Variants in CSMD1 observed in about 807,000 individuals in gnomAD.
CSMD1 encodes the protein CUB and sushi domain-containing protein 1.
CSMD1 carries 213 observed loss-of-function variants against 417.5 expected under a neutral mutation model. That is an observed-to-expected ratio of 0.51 (90% CI 0.46 to 0.57). CSMD1 has a LOEUF of 0.57. Ranked by LOEUF, CSMD1 falls within the 20% of genes least tolerant of loss-of-function variation. The pLI is 0.00. For synonymous variants in CSMD1, 2,862 were observed against 1,736.8 expected (o/e 1.65, Z -16.11); for missense variants, 6,923 against 4,529.7 (o/e 1.53, Z -15.17).
intron 2 of CSMD1, among the ~76,000 whole-genome samples, chr8:4,498,514 T>C (rs545298398): frequency 6.6e-6 from 1 of 152,332 alleles, no homozygotes; most frequent in East Asian, 1.9e-4. Flanking sequence ...ATCACTAAAT[T>C]AAATTGAATT....
intron 1 of CSMD1, among the ~76,000 whole-genome samples, chr8:4,910,786 G>C (rs1169657953): frequency 1.3e-5 from 2 of 152,166 alleles, no homozygotes; most frequent in African/African-American, 4.8e-5. Flanking sequence ...TATAAGGTGG[G>C]AAAATATAGT....
chr8:3,398,309 T>A (rs950577483), intron 16 of CSMD1, among the ~76,000 whole-genome samples: 1 of 152,218 alleles, frequency 6.6e-6, no homozygotes, highest in Non-Finnish European at 1.5e-5. Flanking sequence ...AAATGATTGA[T>A]TATACACAGT....
chr8:4,795,160 G>A (rs1174693925), intron 1 of CSMD1, among the ~76,000 whole-genome samples: 1 of 148,208 alleles, frequency 6.7e-6, no homozygotes, highest in Non-Finnish European at 1.5e-5. Context: ...GTCTAAGAAT[G>A]TAGTAGCCAC....
chr8:4,194,459 C>A (rs903234197), intron 3 of CSMD1, among the ~76,000 whole-genome samples: 1 of 152,132 alleles, frequency 6.6e-6, no homozygotes, highest in African/African-American at 2.4e-5. Context: ...GCCTGAATTA[C>A]AATAGCGCCC....
chr8:3,985,139 G>C (rs1026575620), intron 5 of CSMD1, among the ~76,000 whole-genome samples: 1 of 152,058 alleles, frequency 6.6e-6, no homozygotes, highest in African/African-American at 2.4e-5. Context: ...TGTACTTCAG[G>C]AGAGGGTGTG....
intron 3 of CSMD1, among the ~76,000 whole-genome samples, chr8:4,101,198 T>C (rs1009201692): frequency 6.6e-6 from 1 of 152,228 alleles, no homozygotes; most frequent in African/African-American, 2.4e-5. Context: ...TATGCCTACA[T>C]ACACGTATGA....
intron 5 of CSMD1, among the ~76,000 whole-genome samples, chr8:3,928,285 A>C (rs1375115142): frequency 3.3e-5 from 5 of 152,214 alleles, no homozygotes; most frequent in Non-Finnish European, 7.3e-5. Context: ...TAAATGTTAC[A>C]TTGATTATTC....
At position 3,212,687 on chromosome 8, in the gene CSMD1, G is replaced by C. The variant is rs540546989; in HGVS notation, c.4867+1810C>G. Among the ~76,000 whole-genome samples, 50 of 151,984 alleles carry C rather than the reference G, an allele frequency of 3.3e-4. 2 individuals are homozygous for C. Among genetic ancestry groups the C allele is most frequent in the Non-Finnish European group, 2.9e-5 (2 of 67,976 alleles). On this transcript the variant is annotated intron_variant, in intron 30 of 69. Coordinates refer to ENST00000635120, the MANE Select transcript of CSMD1 (RefSeq NM_033225.6). ...TACTCTGTGCCAGTCTCTACTGCTGGGTCCAGACAGCTACACTTCTTTAAC... is the reference window on the plus strand; with the variant it reads ...TACTCTGTGCCAGTCTCTACTGCTGCGTCCAGACAGCTACACTTCTTTAAC...
rs139349387 is a variant in CSMD1 at position 4,470,109 on chromosome 8, A to T, written c.303-50044T>A. Among the ~76,000 whole-genome samples the T allele has an allele frequency of 5.3e-3, 798 of 151,976 alleles. 11 individuals are homozygous for T. The highest frequency in any genetic ancestry group is 0.018 in the African/African-American group (760 of 41,422). On this transcript the variant is annotated intron_variant, in intron 2 of 69. Transcript: ENST00000635120. The stretch of plus-strand genomic sequence containing the variant: ...ATGGTCTCGATCTCCTGATCTCGTG[A>T]TCCGCCCGCCTCGGCCTCCCAAAGG...
chr8:4,299,469 C>G (rs936953631), intron 3 of CSMD1, among the ~76,000 whole-genome samples: 2 of 152,108 alleles, frequency 1.3e-5, no homozygotes, highest in Admixed American at 1.3e-4. Context: ...TTCTTTAATT[C>G]AACAGATACT....
chr8:4,148,762 C>G (rs1280132685), intron 3 of CSMD1, among the ~76,000 whole-genome samples: 4 of 152,230 alleles, frequency 2.6e-5, no homozygotes, highest in Non-Finnish European at 1.5e-5. Context: ...CATCCTAATG[C>G]CATCACCCTG....
intron 3 of CSMD1, among the ~76,000 whole-genome samples, chr8:4,036,139 G>T (rs780137493): frequency 6.6e-6 from 1 of 152,156 alleles, no homozygotes; most frequent in Non-Finnish European, 1.5e-5. Flanking sequence ...TCCTAGGTGC[G>T]TAGTAGGCCG....
chr8:3,874,788 G>C (rs903975866), intron 5 of CSMD1, among the ~76,000 whole-genome samples: 2 of 152,118 alleles, frequency 1.3e-5, no homozygotes, highest in African/African-American at 4.8e-5. Context: ...TTTGGAAGGA[G>C]ATGCAGACAT....
At chr8:3,643,650 G>C (rs889076550) in intron 7 of CSMD1, among the ~76,000 whole-genome samples, 13 of 142,584 alleles carry the variant, frequency 9.1e-5, no homozygotes, top group East Asian at 6.4e-4. Context: ...GCAGTGAGCC[G>C]AGATCGCGCC....
intron 5 of CSMD1, among the ~76,000 whole-genome samples, chr8:3,935,625 G>T (rs912729324): frequency 2.6e-5 from 4 of 152,032 alleles, no homozygotes; most frequent in Admixed American, 6.6e-5. Context: ...TTGTTTGGGG[G>T]CCCCATATGT....
At chr8:3,729,550 A>G (rs972632884) in intron 6 of CSMD1, among the ~76,000 whole-genome samples, 12 of 152,178 alleles carry the variant, frequency 7.9e-5, no homozygotes, top group Non-Finnish European at 1.8e-4. Context: ...GGCCTTGACA[A>G]TGTCCAGAAG....
intron 1 of CSMD1, among the ~76,000 whole-genome samples, chr8:4,690,730 T>C (rs1806713541): frequency 6.6e-6 from 1 of 152,130 alleles, no homozygotes; most frequent in African/African-American, 2.4e-5. Context: ...GAAATCTTGA[T>C]ATTATTATTT....
chr8:4,376,825 C>G (rs1205771214), intron 3 of CSMD1, among the ~76,000 whole-genome samples: 1 of 152,228 alleles, frequency 6.6e-6, no homozygotes, highest in Non-Finnish European at 1.5e-5. Context: ...TTCCTCACCC[C>G]TGTGATTTTG....
chr8:3,591,176 G>C (rs1449002025), intron 8 of CSMD1, among the ~76,000 whole-genome samples: 1 of 152,138 alleles, frequency 6.6e-6, no homozygotes, highest in East Asian at 1.9e-4. Flanking sequence ...AAGATACATG[G>C]TACATTGACA....
Sources: allele counts gnomAD v4.1 joint callset (sites outside exome capture counted in the v4.1 genomes callset), GRCh38; gene constraint gnomAD v4.1.1; transcripts MANE v1.5; gene names NCBI Gene and HGNC (gene_info 2026-07-23, HGNC 2026-07-21).